Variants in LY6H observed in about 807,000 individuals in gnomAD.
LY6H encodes the protein lymphocyte antigen 6 family member H, also known as lymphocyte antigen 6H.
Under a neutral mutation model 14.6 loss-of-function variants are expected in LY6H, and 8 were observed. That is an observed-to-expected ratio of 0.55 (90% CI 0.32 to 0.99). The LOEUF (loss-of-function observed/expected upper bound fraction) is 0.99. Among genes scored for constraint, LY6H ranks in the 50% least tolerant of loss-of-function variants. The pLI, the probability that LY6H is intolerant of heterozygous loss-of-function variation, is 0.04. For missense variants in LY6H, 196 were observed against 219.6 expected, an observed-to-expected ratio of 0.89 and a Z score of 0.68; for synonymous variants, 115 against 97.2, an observed-to-expected ratio of 1.18 and a Z score of -1.08.
At chr8:143,159,070 G>A (rs751640131) in intron 2 of LY6H, 148 bp from the exon 3 acceptor site, 415 of 1,102,434 alleles carry the variant, frequency 3.8e-4, no homozygotes, top group Non-Finnish European at 5.4e-4. Flanking sequence ...ACCCCTGGAG[G>A]GGGAGCAGAG....
chr8:143,158,821 TTCGGACACTGGCACACACCGTG>T lies in LY6H; in HGVS notation c.210_231del (p.Asp70GlufsTer14). 1 of 1,595,528 alleles carries T rather than the reference TTCGGACACTGGCACACACCGTG, an allele frequency of 6.3e-7. No homozygotes were observed. The highest frequency in any genetic ancestry group is 8.6e-7 in the Non-Finnish European group (1 of 1,166,768). ...AACTTACTGCTGCTGGGATCGGTGA[TTCGGACACTGGCACACACCGTG>T]TCGGACGGCTGGCACTGCTTTGGGG... On this transcript the variant is annotated frameshift_variant, in exon 3 of 4. Transcript: ENST00000342752. LOFTEE classifies it high-confidence loss of function.
intron 2 of LY6H, 43 bp downstream of exon 2, chr8:143,159,539 G>T: frequency 6.9e-7 from 1 of 1,459,578 alleles, no homozygotes; most frequent in Non-Finnish European, 9.0e-7. Context: ...GGCGCCTCGG[G>T]CTCTCCCAGG....
Position 143,157,935 on chromosome 8 carries a change from T to C in LY6H, c.*315A>G, listed in dbSNP as rs1262409898. The C allele has an allele frequency of 2.6e-6, 1 of 378,306 alleles. No individual in the cohort carries two copies. The highest frequency in any genetic ancestry group is 4.7e-6 in the Non-Finnish European group (1 of 212,230). The allele number at this position is 378,306 out of a possible 1,614,324, so 23.4% of individuals were successfully genotyped here. On this transcript the variant is annotated 3_prime_UTR_variant, in exon 4 of 4. Transcript: ENST00000342752. ...CGGGTCTCAGGACTCAAAAGTGACT[T>C]TATTTCTCCGCAGAAGACGCCCTTC...
At position 143,158,406 on chromosome 8, in the gene LY6H, C is replaced by T. The variant is rs1370485153; in HGVS notation, c.330G>A (p.Leu110=). ...AGATCCCAGAGTTAATAAACCCCAT[C>T]AGATAGTCTGAGAAAAAGTGTCGCT... ...FVKRHFFSDY[L]MGFINSGILK... The change falls in exon 4 of 4, where the codon CTG becomes CTA. Residue 110 remains leucine (L), a synonymous_variant. Coordinates refer to ENST00000342752, the MANE Select transcript of LY6H (RefSeq NM_001135655.2). 1.9e-6 allele frequency: 3 copies of T among 1,614,000 alleles called. No individual in the cohort carries two copies. Among genetic ancestry groups the T allele is most frequent in the Non-Finnish European group, 2.5e-6 (3 of 1,179,974 alleles).
Position 143,159,028 on chromosome 8 carries a change from C to T in LY6H, c.131-106G>A, listed in dbSNP as rs180849032. 5 of 1,473,494 alleles carry T rather than the reference C, an allele frequency of 3.4e-6. No homozygotes were observed. The Admixed American group carries it at 5.9e-5, about 17-fold the overall frequency. The allele number at this position is 1,473,494 out of a possible 1,614,324, so 91.3% of individuals were successfully genotyped here. The stretch of plus-strand genomic sequence containing the variant: ...CCTGCTGCAGGCACTCCTGGGAGAG[C>T]CCGACCCCACGGGAGGGAGCAGGCC... On this transcript the variant is annotated intron_variant, in intron 2 of 3. Transcript: ENST00000342752.
At chr8:143,159,815 T>C in intron 1 of LY6H, 106 bp from the exon 2 acceptor site, 1 of 1,240,068 alleles carries the variant, frequency 8.1e-7, no homozygotes, top group East Asian at 3.2e-5. Context: ...CGCCCGGAGC[T>C]CGCAGAGCCC....
At chr8:143,159,068 A>AG in intron 2 of LY6H, 146 bp from the exon 3 acceptor site, 3 of 1,152,812 alleles carry the variant, frequency 2.6e-6, no homozygotes, top group Non-Finnish European at 2.5e-6. Flanking sequence ...TGACCCCTGG[A>AG]GGGGGAGCAG....
rs1366220012 is a variant in LY6H, at chr8:143,159,614, G to A, written c.98C>T (p.Ala33Val). 7 of 1,492,960 alleles carry A rather than the reference G, an allele frequency of 4.7e-6. No homozygotes were observed. The highest frequency in any genetic ancestry group is 5.3e-6 in the Non-Finnish European group (6 of 1,129,340). 92.5% of individuals were successfully genotyped at this position (1,492,960 alleles called of 1,614,324 possible). A position where few individuals can be genotyped will look rare whatever the true frequency, so the allele number is the denominator to read the frequency against. Residue 33 changes from alanine (A) to valine (V), a missense_variant, in exon 2 of 4, where the codon GCG (alanine) becomes GTG (valine). Coordinates refer to ENST00000342752, the MANE Select transcript of LY6H (RefSeq NM_001135655.2). ...LPAAMKGLGL[A>V]LLAVLLCSAP... ...CGAGCACAGCAGGACGGCCAGCAGC[G>A]CCAGGCCGAGGCCCTTCATGGCTGC... is the stretch of plus-strand genomic sequence containing the variant.
chr8:143,159,933 C>G (rs1815557437), intron 1 of LY6H: 1 of 1,239,704 alleles, frequency 8.1e-7, no homozygotes, highest in Admixed American at 4.2e-5. Flanking sequence ...CCCGCGCCGG[C>G]ACCTGTGTGG....
chr8:143,158,939 G>A lies in LY6H; in HGVS notation c.131-17C>T. On this transcript the variant is annotated splice_polypyrimidine_tract_variant and intron_variant, in intron 2 of 3. Coordinates refer to ENST00000342752, the MANE Select transcript of LY6H (RefSeq NM_001135655.2). ...GGCCATGAGCTGGGCAGGGCATGGGGAGGAGGGTGACCAGAGGCACTGGGG... is the reference window on the plus strand; with the variant it reads ...GGCCATGAGCTGGGCAGGGCATGGGAAGGAGGGTGACCAGAGGCACTGGGG... The A allele has an allele frequency of 6.2e-7, 1 of 1,612,666 alleles. No homozygotes were observed. Among genetic ancestry groups the A allele is most frequent in the Non-Finnish European group, 8.5e-7 (1 of 1,179,558 alleles).
In LY6H at chr8:143,158,463, G is replaced by C. The variant is rs757843521; in HGVS notation, c.273C>G (p.Asn91Lys). 6.2e-7 allele frequency: 1 copy of C among 1,613,610 alleles called. No individual in the cohort carries two copies. Among genetic ancestry groups the C allele is most frequent in the Non-Finnish European group, 8.5e-7 (1 of 1,179,664 alleles). ...PSSSRKDHSV[N>K]KMCASSCDFV... The stretch of plus-strand genomic sequence containing the variant: ...AGTCACAGGAGGAGGCACACATCTT[G>C]TTCACCGAGTGATCCTTCCTGCCTG... Residue 91 changes from asparagine (N) to lysine (K), a missense_variant, in exon 4 of 4, where the codon AAC (asparagine) becomes AAG (lysine). Transcript: ENST00000342752.
At chr8:143,160,117 C>T (rs1296552623) in intron 1 of LY6H, 81 bp downstream of exon 1, 9 of 1,180,720 alleles carry the variant, frequency 7.6e-6, no homozygotes, top group Admixed American at 8.2e-5. Flanking sequence ...GAGTCCCCTC[C>T]CTTGGCCTTC....
rs548221614 is a variant in LY6H, at chr8:143,158,278, C to G, written c.458G>C (p.Gly153Ala). The G allele has an allele frequency of 1.2e-6, 2 of 1,612,886 alleles. No homozygotes were observed. The highest frequency in any genetic ancestry group is 1.3e-5 in the African/African-American group (1 of 75,030). ...GGGCCCAGCCCAGAGGAGGGCAGGC[C>G]CCAGGCTGAGCAGGAGCCCCCCGGC... ...ALAGGLLLSL[G>A]PALLWAGP The change falls in exon 4 of 4, where the codon GGG becomes GCG. Residue 153 changes from glycine (G) to alanine (A), a missense_variant. By Grantham distance (60) the Gly-to-Ala change is moderately conservative (BLOSUM62 0). Coordinates refer to ENST00000342752, the MANE Select transcript of LY6H (RefSeq NM_001135655.2).
chr8:143,160,566 T>A (rs1815576835), upstream of LY6H: 1 of 151,484 alleles, frequency 6.6e-6, no homozygotes, highest in South Asian at 2.1e-4. Context: ...GCAGGATCCC[T>A]TCCCCCTCTG....
In LY6H at chr8:143,158,235, G is replaced by A. The variant is rs748526135; in HGVS notation, c.*15C>T. On this transcript the variant is annotated 3_prime_UTR_variant, in exon 4 of 4. Coordinates refer to ENST00000342752, the MANE Select transcript of LY6H (RefSeq NM_001135655.2). ...AGGGGAGCAAGCTCAGAAGCCCCGT[G>A]GGAAGGAGGAGACATCAGGGCCCAG... The A allele has an allele frequency of 1.3e-6, 2 of 1,580,548 alleles. No individual in the cohort carries two copies. The highest frequency in any genetic ancestry group is 1.4e-5 in the African/African-American group (1 of 73,760).
intron 2 of LY6H, 32 bp downstream of exon 2, chr8:143,159,550 C>A: frequency 1.3e-6 from 2 of 1,486,968 alleles, no homozygotes; most frequent in Admixed American, 2.2e-5. Flanking sequence ...CTCTCCCAGG[C>A]ACCTGACCCA....
At chr8:143,159,441 T>G in intron 2 of LY6H, 141 bp downstream of exon 2, 2 of 978,062 alleles carry the variant, frequency 2.0e-6, no homozygotes, top group Non-Finnish European at 1.4e-6. Context: ...CGGGCTGGGG[T>G]CGCAGGGGTC....
intron 2 of LY6H, chr8:143,159,284 C>T: frequency 1.8e-6 from 1 of 544,276 alleles, no homozygotes; most frequent in East Asian, 3.1e-5. Context: ...TGTGAAGGAC[C>T]AAACTGGATT....
chr8:143,159,120 G>A (rs1192440956), intron 2 of LY6H, 198 bp from the exon 3 acceptor site: 8 of 702,764 alleles, frequency 1.1e-5, no homozygotes, highest in Middle Eastern at 3.9e-4. Context: ...AGTTTGAGGG[G>A]AGCCCCTATG....
Sources: allele counts gnomAD v4.1 joint callset, GRCh38; gene constraint gnomAD v4.1.1; transcripts MANE v1.5; gene names NCBI Gene and HGNC (gene_info 2026-07-23, HGNC 2026-07-21).